ZNF385B: variants seen among roughly 807,000 people sequenced by gnomAD.
ZNF385B encodes zinc finger protein 385B, also known as zinc finger protein 533.
Under a neutral mutation model 39.2 loss-of-function variants are expected in ZNF385B, and 23 were observed. That is an observed-to-expected ratio of 0.59 (90% CI 0.42 to 0.83). The LOEUF (loss-of-function observed/expected upper bound fraction) is 0.83, where lower values mean the gene tolerates loss of function less well. ZNF385B is among the 40% of genes least tolerant of loss of function. ZNF385B has a pLI of 0.00. For missense variants in ZNF385B, 552 were observed against 598.9 expected (o/e 0.92, Z 0.82); for synonymous variants, 205 against 222.6 (o/e 0.92, Z 0.70).
chr2:179,554,171 C>G (rs1218487571), intron 3 of ZNF385B, among the ~76,000 whole-genome samples: 1 of 149,214 alleles, frequency 6.7e-6, no homozygotes, highest in Non-Finnish European at 1.5e-5. Flanking sequence ...TTACTAACTA[C>G]TCCTAATCCT....
intron 3 of ZNF385B, among the ~76,000 whole-genome samples, chr2:179,682,912 T>C (rs145542711): frequency 6.6e-6 from 1 of 152,318 alleles, no homozygotes; most frequent in Non-Finnish European, 1.5e-5. Context: ...CTTTAGCTGG[T>C]AGAGGAGCAG....
intron 5 of ZNF385B, among the ~76,000 whole-genome samples, chr2:179,512,209 G>C (rs1480186256): frequency 5.3e-5 from 8 of 151,600 alleles, no homozygotes; most frequent in Admixed American, 5.3e-4. Flanking sequence ...ATACATTAAG[G>C]GTATTTATAA....
chr2:179,511,324 A>T (rs1020200582), intron 5 of ZNF385B, among the ~76,000 whole-genome samples: 4 of 152,172 alleles, frequency 2.6e-5, no homozygotes, highest in Non-Finnish European at 5.9e-5. Context: ...AGGCCTTCTA[A>T]ATGGCAGATG....
At chr2:179,806,722 G>A (rs1706374788) in intron 1 of ZNF385B, among the ~76,000 whole-genome samples, 1 of 152,102 alleles carries the variant, frequency 6.6e-6, no homozygotes, top group Admixed American at 6.6e-5. Context: ...CCACAAAATG[G>A]TGGCAAGCCC....
chr2:179,811,384 T>G (rs1161273613), intron 1 of ZNF385B, among the ~76,000 whole-genome samples: 2 of 152,132 alleles, frequency 1.3e-5, no homozygotes, highest in Non-Finnish European at 2.9e-5. Flanking sequence ...GTCATAGATA[T>G]TGCATTACCT....
intron 1 of ZNF385B, among the ~76,000 whole-genome samples, chr2:179,820,108 ACTC>A (rs531355184): frequency 2.1e-3 from 316 of 152,118 alleles, no homozygotes; most frequent in Middle Eastern, 0.014. Flanking sequence ...TTTATATACT[ACTC>A]AAATTTTTTT....
chr2:179,583,975 C>G (rs920023345), intron 3 of ZNF385B: 35 of 1,297,534 alleles, frequency 2.7e-5, no homozygotes, highest in Non-Finnish European at 3.6e-5. Flanking sequence ...TCATATTTAC[C>G]GAGCATCTGC....
chr2:179,641,389 A>T (rs1040551423), intron 3 of ZNF385B, among the ~76,000 whole-genome samples: 7 of 152,064 alleles, frequency 4.6e-5, no homozygotes, highest in Non-Finnish European at 8.8e-5. Context: ...AATAGAACTT[A>T]TTTCTCCAAG....
chr2:179,720,784 CAG>C (rs1700637424), intron 3 of ZNF385B, among the ~76,000 whole-genome samples: 1 of 151,926 alleles, frequency 6.6e-6, no homozygotes, highest in African/African-American at 2.4e-5. Flanking sequence ...ATTATTATTA[CAG>C]AGTTTGCTCT....
intron 3 of ZNF385B, among the ~76,000 whole-genome samples, chr2:179,639,953 A>G (rs1405076534): frequency 6.6e-6 from 1 of 152,222 alleles, no homozygotes; most frequent in African/African-American, 2.4e-5. Flanking sequence ...TGGGAAGGAC[A>G]CAGCATTACC....
At chr2:179,786,626 T>G (rs1324323825) in intron 1 of ZNF385B, among the ~76,000 whole-genome samples, 2 of 151,730 alleles carry the variant, frequency 1.3e-5, no homozygotes, top group African/African-American at 4.8e-5. Flanking sequence ...GTAAGAGGCT[T>G]AGGGACCACC....
intron 1 of ZNF385B, among the ~76,000 whole-genome samples, chr2:179,838,709 A>C (rs1708382696): frequency 6.6e-6 from 1 of 152,198 alleles, no homozygotes; most frequent in Non-Finnish European, 1.5e-5. Flanking sequence ...ATAGCTAACA[A>C]GAATACTGGA....
At chr2:179,807,677 T>C (rs538187074) in intron 1 of ZNF385B, among the ~76,000 whole-genome samples, 27 of 151,686 alleles carry the variant, frequency 1.8e-4, no homozygotes, top group Middle Eastern at 3.4e-3. Context: ...GGGCGGATCA[T>C]AAGGTCAGGA....
intron 3 of ZNF385B, among the ~76,000 whole-genome samples, chr2:179,746,675 A>C (rs944025742): frequency 2.0e-5 from 3 of 152,106 alleles, no homozygotes; most frequent in Non-Finnish European, 2.9e-5. Context: ...CATTAAACCC[A>C]TGTATTTTTA....
intron 1 of ZNF385B, among the ~76,000 whole-genome samples, chr2:179,835,294 T>C (rs1260925254): frequency 6.6e-6 from 1 of 152,182 alleles, no homozygotes; most frequent in Non-Finnish European, 1.5e-5. Flanking sequence ...TTGTTGAACC[T>C]AGTGAAGGGT....
At chr2:179,546,510 A>G (rs532180794) in intron 3 of ZNF385B, among the ~76,000 whole-genome samples, 53 of 152,340 alleles carry the variant, frequency 3.5e-4, no homozygotes, top group East Asian at 1.2e-3. Flanking sequence ...TTCACTTAAC[A>G]TAACGTCCTC....
At chr2:179,653,140 T>C (rs1416268080) in intron 3 of ZNF385B, among the ~76,000 whole-genome samples, 1 of 152,188 alleles carries the variant, frequency 6.6e-6, no homozygotes, top group Non-Finnish European at 1.5e-5. Flanking sequence ...GGTGCTGCTA[T>C]AGACAGGTTC....
At chr2:179,820,803 T>C (rs1707355207) in intron 1 of ZNF385B, among the ~76,000 whole-genome samples, 1 of 152,154 alleles carries the variant, frequency 6.6e-6, no homozygotes, top group East Asian at 1.9e-4. Context: ...CAAGAGAAGA[T>C]AAATGGTGGA....
chr2:179,795,235 G>C (rs187051131), intron 1 of ZNF385B, among the ~76,000 whole-genome samples: 238 of 143,444 alleles, frequency 1.7e-3, no homozygotes, highest in Non-Finnish European at 2.8e-3. Flanking sequence ...GAAAGCTTTA[G>C]AGGGAAGAAA....
Sources: allele counts gnomAD v4.1 joint callset (sites outside exome capture counted in the v4.1 genomes callset), GRCh38; gene constraint gnomAD v4.1.1; transcripts MANE v1.5; gene names NCBI Gene and HGNC (gene_info 2026-07-23, HGNC 2026-07-21).